Variants in NDUFAF1 observed in about 807,000 individuals in gnomAD.
The protein encoded by NDUFAF1 is complex I intermediate-associated protein 30, mitochondrial.
In NDUFAF1, 18 loss-of-function variants were observed where a neutral mutation model predicts 28.7. The observed-to-expected ratio is 0.63, with a 90% CI of 0.43 to 0.93. NDUFAF1 has a LOEUF of 0.93. Among genes scored for constraint, NDUFAF1 ranks in the 40% least tolerant of loss-of-function variants. The pLI, the probability that NDUFAF1 is intolerant of heterozygous loss-of-function variation, is 0.00. For missense variants in NDUFAF1, 404 were observed against 398.3 expected, an observed-to-expected ratio of 1.01 and a Z score of -0.12; for synonymous variants, 113 against 139.7, an observed-to-expected ratio of 0.81 and a Z score of 1.35.
In NDUFAF1 at chr15:41,396,667, T is replaced by G; in HGVS notation, c.393A>C (p.Glu131Asp). ...AAGTCACTGTCCACTTATCCAAATC[T>G]TCTTTCCCCCGGAATTGCCAGACAA... ...AKVVWQFRGK[E>D]DLDKWTVTSD... Residue 131 changes from glutamate to aspartate, a missense_variant, in exon 2 of 5, where the codon GAA (glutamate) becomes GAC (aspartate). Coordinates refer to ENST00000260361, the MANE Select transcript of NDUFAF1 (RefSeq NM_016013.4). The G allele has an allele frequency of 6.2e-6, 10 of 1,614,160 alleles. No individual in the cohort carries two copies. The highest frequency in any genetic ancestry group is 7.6e-6 in the Non-Finnish European group (9 of 1,180,036).
chr15:41,402,337 G>A lies in NDUFAF1; in HGVS notation c.-275C>T, dbSNP rs1242576755. Reference sequence around the variant, plus strand: ...TCCCGCACTCACGGCCTGGCCTCCGGAGGCTAGACGGTTCGCCGCGCTGGG... The same window carrying A: ...TCCCGCACTCACGGCCTGGCCTCCGAAGGCTAGACGGTTCGCCGCGCTGGG... On this transcript the variant is annotated 5_prime_UTR_variant, in exon 1 of 5. Transcript: ENST00000260361. 4.4e-6 allele frequency: 2 copies of A among 453,890 alleles called. No homozygotes were observed. The highest frequency in any genetic ancestry group is 6.9e-5 in the East Asian group (1 of 14,412). 28.1% of individuals were successfully genotyped at this position (453,890 alleles called of 1,614,324 possible). A position where few individuals can be genotyped will look rare whatever the true frequency, so the allele number is the denominator to read the frequency against.
chr15:41,396,888 C>A lies in NDUFAF1; in HGVS notation c.172G>T (p.Asp58Tyr), dbSNP rs1044750026. The A allele has an allele frequency of 6.2e-7, 1 of 1,614,162 alleles. No homozygotes were observed. The highest frequency in any genetic ancestry group is 1.7e-5 in the Admixed American group (1 of 60,012). Reference sequence around the variant, plus strand: ...TCTTTCTGGTGATCTCCTTGCAAATCCCCTTCAGTCTTCCTCTGTGAGGAG... The same window carrying A: ...TCTTTCTGGTGATCTCCTTGCAAATACCCTTCAGTCTTCCTCTGTGAGGAG... ...KASSQRKTEGDLQGDHQKEVA... is the reference protein window; with the variant it reads ...KASSQRKTEGYLQGDHQKEVA... Residue 58 changes from aspartate (D) to tyrosine (Y), a missense_variant, in exon 2 of 5, where the codon GAT becomes TAT. Transcript: ENST00000260361.
In NDUFAF1 at chr15:41,388,536, C is replaced by A. The variant is rs376225447; in HGVS notation, c.760-14G>T. ...GGAAAAAGGAATCTGAAAGAAGAAACCATTTACTTCATAACTGAAATGTAA... is the reference window on the plus strand; with the variant it reads ...GGAAAAAGGAATCTGAAAGAAGAAAACATTTACTTCATAACTGAAATGTAA... On this transcript the variant is annotated splice_polypyrimidine_tract_variant and intron_variant, in intron 3 of 4. Transcript: ENST00000260361. The A allele has an allele frequency of 6.4e-7, 1 of 1,551,446 alleles. No individual in the cohort carries two copies.
At chr15:41,397,718 C>A (rs1020633699) in intron 1 of NDUFAF1, among the ~76,000 whole-genome samples, 1 of 149,038 alleles carries the variant, frequency 6.7e-6, no homozygotes, top group African/African-American at 2.5e-5. Context: ...AGAATAGCGT[C>A]AACCCAGGAG....
chr15:41,389,967 T>A lies in NDUFAF1; in HGVS notation c.760-1445A>T, dbSNP rs11858252. On this transcript the variant is annotated intron_variant, in intron 3 of 4. Coordinates refer to ENST00000260361, the MANE Select transcript of NDUFAF1 (RefSeq NM_016013.4). Reference sequence around the variant, plus strand: ...TGAAGAACAAGTTAAGAAAAAAAAATTTTTTTTTTTGAGACAGGGTCTTAC... The same window carrying A: ...TGAAGAACAAGTTAAGAAAAAAAAAATTTTTTTTTTGAGACAGGGTCTTAC... Among the ~76,000 whole-genome samples, 707 of 146,910 alleles carry A rather than the reference T, an allele frequency of 4.8e-3. 1 individual carries two copies. The highest frequency in any genetic ancestry group is 6.1e-3 in the Non-Finnish European group (409 of 66,942).
chr15:41,393,798 C>T (rs1478670918), intron 3 of NDUFAF1, among the ~76,000 whole-genome samples: 1 of 151,810 alleles, frequency 6.6e-6, no homozygotes, highest in Non-Finnish European at 1.5e-5. Flanking sequence ...GTCTCGATCT[C>T]TTGACCTCGT....
chr15:41,398,210 G>C (rs2050417433), intron 1 of NDUFAF1, among the ~76,000 whole-genome samples: 1 of 151,228 alleles, frequency 6.6e-6, no homozygotes, highest in Non-Finnish European at 1.5e-5. Flanking sequence ...GACTGGGTCA[G>C]GCCAGGTGTG....
intron 1 of NDUFAF1, among the ~76,000 whole-genome samples, chr15:41,399,576 C>T (rs1377087585): frequency 2.7e-5 from 4 of 150,934 alleles, no homozygotes; most frequent in South Asian, 4.2e-4. Context: ...AAATACAGGC[C>T]GGGCGCGGTG....
At chr15:41,401,302 G>A (rs1166413698) in intron 1 of NDUFAF1, among the ~76,000 whole-genome samples, 3 of 118,692 alleles carry the variant, frequency 2.5e-5, no homozygotes, top group African/African-American at 6.5e-5. Flanking sequence ...ATGGAGTCTC[G>A]CTCTGTCACC....
chr15:41,393,477 C>T (rs187762235), intron 3 of NDUFAF1, among the ~76,000 whole-genome samples: 30 of 150,998 alleles, frequency 2.0e-4, no homozygotes, highest in African/African-American at 6.3e-4. Context: ...TTAGTAGAGA[C>T]GGGGTTTCAC....
At chr15:41,389,904 GAAA>G (rs1301485955) in intron 3 of NDUFAF1, among the ~76,000 whole-genome samples, 10 of 151,972 alleles carry the variant, frequency 6.6e-5, no homozygotes. Flanking sequence ...TCCGACAGTA[GAAA>G]ACTCTGAAAA....
intron 1 of NDUFAF1, among the ~76,000 whole-genome samples, chr15:41,398,125 C>G (rs997871617): frequency 6.6e-6 from 1 of 150,794 alleles, no homozygotes; most frequent in East Asian, 1.9e-4. Context: ...ATTCTCCCCT[C>G]GGCTTCCCAA....
Position 41,396,968 on chromosome 15 carries a change from C to T in NDUFAF1, c.92G>A (p.Arg31His), listed in dbSNP as rs3204853. The change falls in exon 2 of 5, where the codon CGC (arginine) becomes CAC (histidine). Residue 31 changes from arginine (R) to histidine (H), a missense_variant. Coordinates refer to ENST00000260361, the MANE Select transcript of NDUFAF1 (RefSeq NM_016013.4). Reference protein sequence around the residue: ...TSALYPFLGIRFAEYSSSLQK... With the variant: ...TSALYPFLGIHFAEYSSSLQK... Reference sequence around the variant, plus strand: ...AAGACTACTGGAATACTCTGCAAAGCGAATACCCAAAAATGGATACAAGGC... The same window carrying T: ...AAGACTACTGGAATACTCTGCAAAGTGAATACCCAAAAATGGATACAAGGC... 55 of 1,611,798 alleles carry T rather than the reference C, an allele frequency of 3.4e-5. No individual in the cohort carries two copies. In the South Asian group the frequency reaches 3.7e-4, roughly 11 times the overall value.
chr15:41,395,669 CTTT>C (rs11318328), intron 2 of NDUFAF1, among the ~76,000 whole-genome samples: 14 of 63,170 alleles, frequency 2.2e-4, no homozygotes, highest in East Asian at 5.7e-4. Context: ...TGCGCCCGGC[CTTT>C]TTTTTTTTTT....
rs748339568 is a variant in NDUFAF1 at position 41,401,434 on chromosome 15, CTTTTT to C, written c.-82+705_-82+709del. The stretch of plus-strand genomic sequence containing the variant: ...TACAGGTGCCCGCCACCATGCCCAA[CTTTTT>C]TTTTTTTTTTTTTAAGACAGAGTCC... On this transcript the variant is annotated intron_variant, in intron 1 of 4. Transcript: ENST00000260361. Among the ~76,000 whole-genome samples, 3 of 138,428 alleles carry C rather than the reference CTTTTT, an allele frequency of 2.2e-5. No individual in the cohort carries two copies. The South Asian group carries it at 6.9e-4, about 32-fold the overall frequency. The allele number at this position is 138,428 out of a possible 152,430, so 90.8% of individuals were successfully genotyped here. A position where few individuals can be genotyped will look rare whatever the true frequency, so the allele number is the denominator to read the frequency against.
At position 41,396,831 on chromosome 15, in the gene NDUFAF1, TCTC is replaced by T. The variant is rs1250481429; in HGVS notation, c.226_228del (p.Glu76del). On this transcript the variant is annotated inframe_deletion, in exon 2 of 5. Transcript: ENST00000260361. The stretch of plus-strand genomic sequence containing the variant: ...GCTTTATCGAAACTAACATCAGGCT[TCTC>T]CTCAGAAGAAGTTATATCCAAAGCA... 8.1e-6 allele frequency: 13 copies of T among 1,614,132 alleles called. No individual in the cohort carries two copies. The highest frequency in any genetic ancestry group is 1.0e-5 in the Non-Finnish European group (12 of 1,180,028).
At chr15:41,399,374 C>T (rs1353753071) in intron 1 of NDUFAF1, among the ~76,000 whole-genome samples, 17 of 149,648 alleles carry the variant, frequency 1.1e-4, no homozygotes, top group Admixed American at 2.0e-4. Flanking sequence ...CCAGCCTGGG[C>T]GACAGAGTGA....
At chr15:41,399,484 G>C (rs112996103) in intron 1 of NDUFAF1, among the ~76,000 whole-genome samples, 6,244 of 151,512 alleles carry the variant, frequency 0.041, 242 homozygotes, top group African/African-American at 0.1. Context: ...TTGAACCTGG[G>C]AGGCAGAGGC....
At chr15:41,402,923 G>T (rs2050485071), upstream of NDUFAF1, among the ~76,000 whole-genome samples, 1 of 151,552 alleles carries the variant, frequency 6.6e-6, no homozygotes, top group Non-Finnish European at 1.5e-5. Context: ...GTAGAGACGG[G>T]GTTTCACCAT....
Sources: gnomAD v4.1 joint callset for allele counts (sites outside exome capture counted in the v4.1 genomes callset) on GRCh38, gnomAD v4.1.1 for gene constraint, MANE v1.5 for transcripts, NCBI Gene and HGNC (gene_info 2026-07-23, HGNC 2026-07-21) for gene names.